The following DNM3 variants were observed in gnomAD, a reference collection of about 807,000 sequenced individuals.
DNM3 encodes the protein dynamin 3.
Under a neutral mutation model 101.6 loss-of-function variants are expected in DNM3, and 47 were observed. That is an observed-to-expected ratio of 0.46 (90% CI 0.37 to 0.59). The LOEUF is 0.59. Ranked by LOEUF, DNM3 falls within the 20% of genes least tolerant of loss-of-function variation. The pLI is 0.00. For synonymous variants in DNM3, 385 were observed against 387.9 expected, an observed-to-expected ratio of 0.99 and a Z score of 0.09; for missense variants, 849 against 1,085.7, an observed-to-expected ratio of 0.78 and a Z score of 3.06.
chr1:172,160,734 A>G (rs1395360522), intron 14 of DNM3, among the ~76,000 whole-genome samples: 6 of 152,242 alleles, frequency 3.9e-5, no homozygotes, highest in Non-Finnish European at 7.4e-5. Context: ...TATAGTAAAT[A>G]TACAATTCAA....
chr1:172,249,480 C>T (rs1467937761), intron 14 of DNM3, among the ~76,000 whole-genome samples: 1 of 152,150 alleles, frequency 6.6e-6, no homozygotes, highest in East Asian at 1.9e-4. Context: ...CTGATGCTCT[C>T]ATGTTCCCTC....
chr1:172,170,794 T>C (rs1194092915), intron 14 of DNM3, among the ~76,000 whole-genome samples: 1 of 151,814 alleles, frequency 6.6e-6, no homozygotes, highest in East Asian at 1.9e-4. Context: ...CAGTCCATGT[T>C]TGAAGAAGAC....
intron 2 of DNM3, among the ~76,000 whole-genome samples, chr1:171,922,090 A>G (rs926734637): frequency 6.6e-6 from 1 of 151,802 alleles, no homozygotes; most frequent in Non-Finnish European, 1.5e-5. Context: ...ATTTTACAGT[A>G]CAGCACAACC....
intron 14 of DNM3, among the ~76,000 whole-genome samples, chr1:172,132,286 CAGG>C (rs1200855446): frequency 6.6e-6 from 1 of 152,120 alleles, no homozygotes; most frequent in Admixed American, 6.6e-5. Context: ...TTTCATTTCT[CAGG>C]AGATCTGTGT....
At chr1:171,918,946 G>C (rs1342523862) in intron 1 of DNM3, among the ~76,000 whole-genome samples, 3 of 152,134 alleles carry the variant, frequency 2.0e-5, no homozygotes, top group Non-Finnish European at 4.4e-5. Flanking sequence ...AAGATATAAA[G>C]TGACTAAACC....
intron 17 of DNM3, among the ~76,000 whole-genome samples, chr1:172,332,604 C>T (rs992182572): frequency 5.3e-5 from 8 of 152,174 alleles, no homozygotes; most frequent in Admixed American, 2.0e-4. Flanking sequence ...CCACCATGCC[C>T]GGCCAGCTGG....
chr1:172,145,019 T>C (rs2148188544), intron 14 of DNM3, among the ~76,000 whole-genome samples: 1 of 152,266 alleles, frequency 6.6e-6, no homozygotes. Flanking sequence ...GCCAGATTTT[T>C]TTCCTCAACT....
intron 2 of DNM3, among the ~76,000 whole-genome samples, chr1:171,938,422 A>G (rs1171742722): frequency 1.3e-5 from 2 of 152,224 alleles, no homozygotes; most frequent in Admixed American, 6.5e-5. Context: ...AGGAATTTCC[A>G]TGGTCCCCAT....
At position 172,203,618 on chromosome 1, in the gene DNM3, C is replaced by G. The variant is rs552942208; in HGVS notation, c.1660-49955C>G. On this transcript the variant is annotated intron_variant, in intron 14 of 20. Transcript: ENST00000627582. ...TCTCAGAATTTATCACATTATTTAT[C>G]TGTATTTCTTCCCTGTAGTCTGTGA... Among the ~76,000 whole-genome samples, 9 of 152,202 alleles carry G rather than the reference C, an allele frequency of 5.9e-5. No homozygotes were observed. In the East Asian group the frequency reaches 1.7e-3, roughly 29 times the overall value.
At chr1:171,988,707 A>C (rs1400412549) in intron 3 of DNM3, among the ~76,000 whole-genome samples, 1 of 152,204 alleles carries the variant, frequency 6.6e-6, no homozygotes, top group South Asian at 2.1e-4. Flanking sequence ...ACTGTTAGGC[A>C]TGCAAATCAG....
At chr1:172,193,158 G>A (rs2059800960) in intron 14 of DNM3, among the ~76,000 whole-genome samples, 1 of 151,394 alleles carries the variant, frequency 6.6e-6, no homozygotes, top group African/African-American at 2.4e-5. Context: ...TGTGTTTTTT[G>A]GCTGCATAAA....
chr1:172,185,591 A>G (rs1301641197), intron 14 of DNM3, among the ~76,000 whole-genome samples: 1 of 152,112 alleles, frequency 6.6e-6, no homozygotes, highest in Non-Finnish European at 1.5e-5. Context: ...TCTATTCAGA[A>G]TTATATAGCA....
chr1:172,164,184 G>A (rs147528217), intron 14 of DNM3, among the ~76,000 whole-genome samples: 17 of 146,598 alleles, frequency 1.2e-4, no homozygotes, highest in African/African-American at 4.1e-4. Flanking sequence ...GAGAGAATTC[G>A]TGTTTTATTT....
At chr1:172,110,583 T>G (rs575358503) in intron 13 of DNM3, among the ~76,000 whole-genome samples, 1 of 152,366 alleles carries the variant, frequency 6.6e-6, no homozygotes, top group South Asian at 2.1e-4. Context: ...ACTGTGACAT[T>G]AACATCCAAA....
intron 15 of DNM3, among the ~76,000 whole-genome samples, chr1:172,261,466 A>G (rs974493406): frequency 6.6e-6 from 1 of 152,186 alleles, no homozygotes; most frequent in Non-Finnish European, 1.5e-5. Flanking sequence ...AGTTTTGCTG[A>G]GTACTATAAC....
At chr1:172,283,458 A>G (rs1412786952) in intron 15 of DNM3, among the ~76,000 whole-genome samples, 1 of 151,984 alleles carries the variant, frequency 6.6e-6, no homozygotes, top group African/African-American at 2.4e-5. Flanking sequence ...AAGTATATTC[A>G]TTCCTATAGA....
chr1:172,380,606 T>G (rs1319814481), intron 18 of DNM3: 2 of 152,036 alleles, frequency 1.3e-5, no homozygotes, highest in Non-Finnish European at 2.9e-5. Context: ...TTTCGCCCCT[T>G]TGAGTTGAAG....
chr1:172,238,586 T>A (rs1020107165), intron 14 of DNM3, among the ~76,000 whole-genome samples: 1 of 152,146 alleles, frequency 6.6e-6, no homozygotes, highest in Admixed American at 6.6e-5. Context: ...TCTTCGTAAG[T>A]CAGCATGTAT....
At chr1:172,205,654 C>T (rs893274306) in intron 14 of DNM3, among the ~76,000 whole-genome samples, 1 of 152,096 alleles carries the variant, frequency 6.6e-6, no homozygotes, top group Non-Finnish European at 1.5e-5. Flanking sequence ...TAACAGAAGA[C>T]AGATTCCCAT....
Sources: gnomAD v4.1 joint callset for allele counts (sites outside exome capture counted in the v4.1 genomes callset) on GRCh38, gnomAD v4.1.1 for gene constraint, MANE v1.5 for transcripts, NCBI Gene and HGNC (gene_info 2026-07-23, HGNC 2026-07-21) for gene names.